The following MLLT3 variants were observed in gnomAD, a reference collection of about 807,000 sequenced individuals.
The protein encoded by MLLT3 is MLLT3 super elongation complex subunit.
Under a neutral mutation model 53.2 loss-of-function variants are expected in MLLT3, and 4 were observed. The ratio of observed to expected loss-of-function variants is 0.08; its 90% confidence interval spans 0.04 to 0.17. MLLT3 has a LOEUF of 0.17. MLLT3 is among the 10% of genes least tolerant of loss of function. MLLT3 has a pLI of 1.00. For missense variants in MLLT3, 569 were observed against 684.0 expected, an observed-to-expected ratio of 0.83 and a Z score of 1.87; for synonymous variants, 283 against 230.6, an observed-to-expected ratio of 1.23 and a Z score of -2.06.
At chr9:20,403,896 G>T (rs1243434583) in intron 5 of MLLT3, among the ~76,000 whole-genome samples, 1 of 152,102 alleles carries the variant, frequency 6.6e-6, no homozygotes, top group Non-Finnish European at 1.5e-5. Flanking sequence ...ATGGCTCACT[G>T]CAGCCTCAAC....
At chr9:20,560,887 C>G (rs201375654) in intron 2 of MLLT3, among the ~76,000 whole-genome samples, 7 of 152,024 alleles carry the variant, frequency 4.6e-5, no homozygotes, top group Non-Finnish European at 8.8e-5. Flanking sequence ...GTGTCATCAC[C>G]TTGCATGCTT....
chr9:20,472,232 T>C (rs1468009171), intron 2 of MLLT3, among the ~76,000 whole-genome samples: 2 of 152,088 alleles, frequency 1.3e-5, no homozygotes, highest in African/African-American at 4.8e-5. Flanking sequence ...ACAGAAACTA[T>C]ATTAATAAAC....
chr9:20,396,015 A>C (rs575713583), intron 5 of MLLT3, among the ~76,000 whole-genome samples: 91 of 152,286 alleles, frequency 6.0e-4, no homozygotes, highest in Non-Finnish European at 9.9e-4. Flanking sequence ...TTAAATTCCC[A>C]GTTCTATTCA....
chr9:20,620,829 G>T lies in MLLT3; in HGVS notation c.18C>A (p.Ala6=), dbSNP rs774693017. Residue 6 remains alanine, a synonymous_variant, in exon 2 of 11, where the codon GCC becomes GCA. Coordinates refer to ENST00000380338, the MANE Select transcript of MLLT3 (RefSeq NM_004529.4). The surrounding 1 kb of genome is among the most constrained non-coding windows in gnomAD (Gnocchi z 6.1). Reference sequence around the variant, plus strand: ...GCCCCAGCTCCAGCTTCACCTGCACGGCACACTGCGGGCAGGGGGAGGAGA... The same window carrying T: ...GCCCCAGCTCCAGCTTCACCTGCACTGCACACTGCGGGCAGGGGGAGGAGA... The part of the protein sequence containing the change: MASSC[A]VQVKLELGHR... 1.2e-6 allele frequency: 2 copies of T among 1,613,968 alleles called. No individual in the cohort carries two copies. Among genetic ancestry groups the T allele is most frequent in the Non-Finnish European group, 1.7e-6 (2 of 1,179,996 alleles).
At chr9:20,544,672 T>A (rs773272473) in intron 2 of MLLT3, among the ~76,000 whole-genome samples, 10 of 152,220 alleles carry the variant, frequency 6.6e-5, no homozygotes, top group Middle Eastern at 3.2e-3. Context: ...GAAAACACTA[T>A]GAACATTCCT....
chr9:20,544,559 C>A (rs1818735245), intron 2 of MLLT3, among the ~76,000 whole-genome samples: 1 of 152,090 alleles, frequency 6.6e-6, no homozygotes, highest in African/African-American at 2.4e-5. Context: ...CGTAGGATGG[C>A]CACTACTGAA....
chr9:20,559,114 A>G (rs1382112252), intron 2 of MLLT3, among the ~76,000 whole-genome samples: 2 of 152,206 alleles, frequency 1.3e-5, no homozygotes, highest in Admixed American at 6.5e-5. Flanking sequence ...GTCTCTCGGG[A>G]ATCATTCACT....
chr9:20,553,323 G>A (rs1818972557), intron 2 of MLLT3, among the ~76,000 whole-genome samples: 2 of 152,144 alleles, frequency 1.3e-5, no homozygotes, highest in South Asian at 4.1e-4. Context: ...GAGCTTATAT[G>A]CATATCCACA....
At chr9:20,422,154 G>A (rs1823025373) in intron 4 of MLLT3, among the ~76,000 whole-genome samples, 1 of 152,076 alleles carries the variant, frequency 6.6e-6, no homozygotes. Flanking sequence ...AAGCCCAAGA[G>A]TCTTTCGTTC....
chr9:20,468,545 A>G (rs977190468), intron 2 of MLLT3, among the ~76,000 whole-genome samples: 3 of 152,238 alleles, frequency 2.0e-5, no homozygotes, highest in Admixed American at 1.3e-4. Flanking sequence ...ATACTGCAAT[A>G]AACAAATGAG....
At chr9:20,549,629 G>T (rs1247179608) in intron 2 of MLLT3, among the ~76,000 whole-genome samples, 1 of 152,178 alleles carries the variant, frequency 6.6e-6, no homozygotes, top group Non-Finnish European at 1.5e-5. Flanking sequence ...GAAGACCTAA[G>T]GTTTGAACCT....
chr9:20,467,254 T>G (rs952615876), intron 2 of MLLT3, among the ~76,000 whole-genome samples: 7 of 152,162 alleles, frequency 4.6e-5, no homozygotes, highest in African/African-American at 7.2e-5. Context: ...TAGCTGGGAC[T>G]ACAGGCTGCA....
intron 2 of MLLT3, among the ~76,000 whole-genome samples, chr9:20,466,817 G>A (rs983906265): frequency 1.3e-5 from 2 of 152,196 alleles, no homozygotes; most frequent in African/African-American, 2.4e-5. Context: ...CAGTGTTATA[G>A]GAGGTTGCTC....
chr9:20,605,725 C>T (rs549330417), intron 2 of MLLT3, among the ~76,000 whole-genome samples: 1 of 152,062 alleles, frequency 6.6e-6, no homozygotes, highest in East Asian at 1.9e-4. Context: ...GCTAGTATAA[C>T]ATTTATACTA....
At chr9:20,572,676 C>A (rs1310359680) in intron 2 of MLLT3, among the ~76,000 whole-genome samples, 1 of 152,070 alleles carries the variant, frequency 6.6e-6, no homozygotes, top group African/African-American at 2.4e-5. Context: ...CGCCTGTAAC[C>A]CCAGCTGCTT....
chr9:20,498,216 A>G (rs1825126226), intron 2 of MLLT3, among the ~76,000 whole-genome samples: 1 of 122,818 alleles, frequency 8.1e-6, no homozygotes. Context: ...TGACAGAGCG[A>G]GACGCTGTCT....
At chr9:20,589,050 A>G (rs1820055296) in intron 2 of MLLT3, among the ~76,000 whole-genome samples, 1 of 151,308 alleles carries the variant, frequency 6.6e-6, no homozygotes, top group South Asian at 2.1e-4. Flanking sequence ...ATCTAGAACT[A>G]GAAATACCAT....
intron 2 of MLLT3, among the ~76,000 whole-genome samples, chr9:20,610,535 G>A (rs1361716768): frequency 1.3e-5 from 2 of 152,100 alleles, no homozygotes; most frequent in African/African-American, 4.8e-5. Context: ...GGAGTGGAAA[G>A]TAAAGCCAGG....
chr9:20,534,648 A>G (rs1818431640), intron 2 of MLLT3, among the ~76,000 whole-genome samples: 2 of 152,190 alleles, frequency 1.3e-5, no homozygotes, highest in African/African-American at 4.8e-5. Flanking sequence ...CAACTTTGGG[A>G]CGCCAAGGCG....
Sources: allele counts gnomAD v4.1 joint callset (sites outside exome capture counted in the v4.1 genomes callset), GRCh38; gene constraint gnomAD v4.1.1; non-coding constraint Gnocchi (gnomAD v3.1); transcripts MANE v1.5; gene names NCBI Gene and HGNC (gene_info 2026-07-23, HGNC 2026-07-21).